NCMAP: variants seen among roughly 807,000 people sequenced by gnomAD.
The protein encoded by NCMAP is non-compact myelin associated protein.
Under a neutral mutation model 7.8 loss-of-function variants are expected in NCMAP, and 8 were observed. The observed-to-expected ratio is 1.02, with a 90% CI of 0.60 to 1.84. The LOEUF (loss-of-function observed/expected upper bound fraction) is 1.84. Among genes scored for constraint, NCMAP ranks in the 40% most tolerant of loss-of-function variants. The pLI is 0.00. For missense variants in NCMAP, 112 were observed against 131.4 expected (o/e 0.85, Z 0.72); for synonymous variants, 41 against 52.9 (o/e 0.78, Z 0.98).
chr1:24,588,413 G>A (rs903930825), intron 1 of NCMAP, among the ~76,000 whole-genome samples: 1 of 152,136 alleles, frequency 6.6e-6, no homozygotes, highest in African/African-American at 2.4e-5. Flanking sequence ...GGCTTTCGTG[G>A]GTTACCTGCT....
chr1:24,591,247 TG>T (rs1652038515), intron 1 of NCMAP, among the ~76,000 whole-genome samples: 1 of 152,122 alleles, frequency 6.6e-6, no homozygotes, highest in South Asian at 2.1e-4. Context: ...GAGTCTTCCT[TG>T]GGGGGCGACT....
chr1:24,582,806 A>C (rs1238614277), intron 1 of NCMAP, among the ~76,000 whole-genome samples: 2 of 146,222 alleles, frequency 1.4e-5, no homozygotes, highest in Admixed American at 6.7e-5. Context: ...CAGCAATAGG[A>C]AACGTATAGA....
chr1:24,558,766 T>G (rs6666041), intron 1 of NCMAP, among the ~76,000 whole-genome samples: 1,578 of 152,300 alleles, frequency 0.01, 27 homozygotes, highest in African/African-American at 0.033. Context: ...CAGGGTCACG[T>G]AGAGTTGGGG....
chr1:24,565,942 G>C (rs757738701), intron 1 of NCMAP, among the ~76,000 whole-genome samples: 6 of 152,034 alleles, frequency 3.9e-5, no homozygotes, highest in African/African-American at 4.8e-5. Context: ...TGCTGTTCTC[G>C]TGATAGAGTG....
intron 1 of NCMAP, among the ~76,000 whole-genome samples, chr1:24,574,875 A>AC (rs1225155044): frequency 3.5e-5 from 5 of 144,582 alleles, no homozygotes; most frequent in Non-Finnish European, 7.5e-5. Flanking sequence ...GGCTCACTGC[A>AC]CCCACTGCCT....
Position 24,605,924 on chromosome 1 carries a change from C to A in NCMAP, c.*177C>A. On this transcript the variant is annotated 3_prime_UTR_variant, in exon 4 of 4. Transcript: ENST00000374392. ...TCAACCTTGTCTGCCCTGCCCTACC[C>A]CAACTGTGTCCACATCCCTGCCGCC... 1 of 678,994 alleles carries A rather than the reference C, an allele frequency of 1.5e-6. No individual in the cohort carries two copies. The allele number at this position is 678,994 out of a possible 1,614,324, so 42.1% of individuals were successfully genotyped here. A position where few individuals can be genotyped will look rare whatever the true frequency, so the allele number is the denominator to read the frequency against.
chr1:24,575,667 C>A (rs1018523892), intron 1 of NCMAP, among the ~76,000 whole-genome samples: 1 of 152,016 alleles, frequency 6.6e-6, no homozygotes, highest in Non-Finnish European at 1.5e-5. Flanking sequence ...GAAAACTGCC[C>A]GGGCGTGGTG....
intron 1 of NCMAP, among the ~76,000 whole-genome samples, chr1:24,564,236 G>A (rs1026039027): frequency 3.3e-5 from 5 of 152,164 alleles, no homozygotes; most frequent in South Asian, 2.1e-4. Context: ...GAGGCCAGGC[G>A]CAGTGGCTCA....
At chr1:24,561,178 CAAAAA>C (rs755072214) in intron 1 of NCMAP, among the ~76,000 whole-genome samples, 11 of 103,898 alleles carry the variant, frequency 1.1e-4, no homozygotes, top group Admixed American at 3.2e-4. Flanking sequence ...ACTAAAAATA[CAAAAA>C]AAAAAAAAAA....
chr1:24,602,324 T>A (rs1652528480), intron 3 of NCMAP, among the ~76,000 whole-genome samples: 1 of 137,070 alleles, frequency 7.3e-6, no homozygotes, highest in African/African-American at 3.7e-5. Context: ...AATATTATCC[T>A]GTAATCCCAG....
At chr1:24,596,970 A>T (rs1033289210) in intron 2 of NCMAP, among the ~76,000 whole-genome samples, 1 of 152,168 alleles carries the variant, frequency 6.6e-6, no homozygotes, top group African/African-American at 2.4e-5. Flanking sequence ...ACACAGGGAT[A>T]AACAGCTTCA....
In NCMAP at chr1:24,606,201, GAACTA is replaced by G. The variant is rs540746187; in HGVS notation, c.*456_*460del. On this transcript the variant is annotated 3_prime_UTR_variant, in exon 4 of 4. Transcript: ENST00000374392. Reference sequence around the variant, plus strand: ...TTCAATCCCATAACCAGGCACAGGGGAACTAACTTGGACTAACTAACCAGAAAACC... The same window carrying G: ...TTCAATCCCATAACCAGGCACAGGGGACTTGGACTAACTAACCAGAAAACC... 3.2e-5 allele frequency: 5 copies of G among 155,330 alleles called. No individual in the cohort carries two copies. In the South Asian group the frequency reaches 1.0e-3, roughly 31 times the overall value. 9.6% of individuals were successfully genotyped at this position (155,330 alleles called of 1,614,324 possible). A position where few individuals can be genotyped will look rare whatever the true frequency, so the allele number is the denominator to read the frequency against.
At position 24,594,080 on chromosome 1, in the gene NCMAP, C is replaced by T. The variant is rs1443397009; in HGVS notation, c.-7-1344C>T. Among the ~76,000 whole-genome samples the T allele has an allele frequency of 2.6e-5, 4 of 151,864 alleles. No homozygotes were observed. In the East Asian group the frequency reaches 5.8e-4, roughly 22 times the overall value. ...CTAATTTTTGTATTTTTAGTAGAGA[C>T]GGGGTTTCACCATGTTGACCAGGCT... On this transcript the variant is annotated intron_variant, in intron 1 of 3. Coordinates refer to ENST00000374392, the MANE Select transcript of NCMAP (RefSeq NM_001010980.5).
rs754952110 is a variant in NCMAP, at chr1:24,601,308, T to C, written c.167+284T>C. On this transcript the variant is annotated intron_variant, in intron 3 of 3. Transcript: ENST00000374392. ...ACATTTGTTTGTAATTTACAGATAATAGAGGAATGTTCAGACCTCTTCTCT... is the reference window on the plus strand; with the variant it reads ...ACATTTGTTTGTAATTTACAGATAACAGAGGAATGTTCAGACCTCTTCTCT... 3.9e-5 allele frequency among the ~76,000 whole-genome samples: 6 copies of C among 152,306 alleles called. No individual in the cohort carries two copies. The South Asian group carries it at 8.3e-4, about 21-fold the overall frequency.
chr1:24,600,911 C>T (rs1222881007), intron 2 of NCMAP, 29 bp from the exon 3 acceptor site: 2 of 1,608,180 alleles, frequency 1.2e-6, no homozygotes, highest in East Asian at 2.2e-5. Context: ...TTTGCACATT[C>T]ACGGTCTCTG....
chr1:24,558,151 C>T (rs1650959313), intron 1 of NCMAP, among the ~76,000 whole-genome samples: 1 of 152,230 alleles, frequency 6.6e-6, no homozygotes, highest in Non-Finnish European at 1.5e-5. Flanking sequence ...TGGAGGAGTA[C>T]ATGAACAGTT....
chr1:24,564,518 A>AAAG, intron 1 of NCMAP, among the ~76,000 whole-genome samples: 3 of 137,068 alleles, frequency 2.2e-5, no homozygotes, highest in South Asian at 2.3e-4. Flanking sequence ...TGTCTCAAAA[A>AAAG]AAAAAAAAAA....
At chr1:24,582,084 G>A (rs1417766050) in intron 1 of NCMAP, among the ~76,000 whole-genome samples, 1 of 152,128 alleles carries the variant, frequency 6.6e-6, no homozygotes, top group Non-Finnish European at 1.5e-5. Context: ...CTGGCCTAGC[G>A]GCTCCAGGAC....
At chr1:24,602,569 C>CAAAAAAAAA (rs10630961) in intron 3 of NCMAP, among the ~76,000 whole-genome samples, 18 of 40,048 alleles carry the variant, frequency 4.5e-4, no homozygotes, top group Non-Finnish European at 6.3e-4. Flanking sequence ...GACTCCATCT[C>CAAAAAAAAA]AAAAAAAAAA....
Sources: allele counts gnomAD v4.1 joint callset (sites outside exome capture counted in the v4.1 genomes callset), GRCh38; gene constraint gnomAD v4.1.1; transcripts MANE v1.5; gene names NCBI Gene and HGNC (gene_info 2026-07-23, HGNC 2026-07-21).